Variants in NECTIN1 observed in about 807,000 individuals in gnomAD.
NECTIN1 encodes nectin-1.
NECTIN1 carries 23 observed loss-of-function variants against 48.0 expected under a neutral mutation model. The observed-to-expected ratio is 0.48, with a 90% CI of 0.34 to 0.68. The LOEUF (loss-of-function observed/expected upper bound fraction) is 0.68. Ranked by LOEUF, NECTIN1 falls within the 30% of genes least tolerant of loss-of-function variation. The pLI, the probability that NECTIN1 is intolerant of heterozygous loss-of-function variation, is 0.01. For synonymous variants in NECTIN1, 270 were observed against 288.9 expected, an observed-to-expected ratio of 0.93 and a Z score of 0.66; for missense variants, 591 against 709.9, an observed-to-expected ratio of 0.83 and a Z score of 1.90.
intron 5 of NECTIN1, among the ~76,000 whole-genome samples, chr11:119,647,945 T>A (rs1264019582): frequency 3.3e-5 from 5 of 150,898 alleles, no homozygotes; most frequent in Admixed American, 6.6e-5. Flanking sequence ...GTGCCTGTAA[T>A]CCCAGCTACT....
At chr11:119,728,078 C>A (rs961429246) in intron 1 of NECTIN1, among the ~76,000 whole-genome samples, 4 of 152,230 alleles carry the variant, frequency 2.6e-5, no homozygotes, top group Non-Finnish European at 5.9e-5. Context: ...TGACGCCCTC[C>A]CCCTGGGGCT....
chr11:119,697,450 G>A (rs1865360793), intron 1 of NECTIN1, among the ~76,000 whole-genome samples: 2 of 152,108 alleles, frequency 1.3e-5, no homozygotes, highest in African/African-American at 2.4e-5. Flanking sequence ...CCTCTCCTTC[G>A]TAGGCTCCCG....
chr11:119,696,325 G>A (rs1245996275), intron 1 of NECTIN1, among the ~76,000 whole-genome samples: 1 of 152,206 alleles, frequency 6.6e-6, no homozygotes, highest in Non-Finnish European at 1.5e-5. Flanking sequence ...AGAGTAAGGT[G>A]AGGATGGGCA....
chr11:119,692,140 C>T (rs998591234), intron 1 of NECTIN1, among the ~76,000 whole-genome samples: 4 of 152,254 alleles, frequency 2.6e-5, no homozygotes, highest in African/African-American at 4.8e-5. Flanking sequence ...CTGCCCAACA[C>T]GAATCTATCA....
At chr11:119,653,442 G>A (rs944115560) in intron 5 of NECTIN1, among the ~76,000 whole-genome samples, 2 of 152,176 alleles carry the variant, frequency 1.3e-5, no homozygotes, top group African/African-American at 2.4e-5. Context: ...AGGGTGGCCC[G>A]GCGCGGGGAT....
chr11:119,724,092 G>A (rs1433942442), intron 1 of NECTIN1, among the ~76,000 whole-genome samples: 2 of 152,198 alleles, frequency 1.3e-5, no homozygotes, highest in Non-Finnish European at 2.9e-5. Flanking sequence ...CAGCTCTGCA[G>A]GGCCCTCATG....
chr11:119,667,186 C>T (rs1013392697), intron 5 of NECTIN1, among the ~76,000 whole-genome samples: 2 of 152,174 alleles, frequency 1.3e-5, no homozygotes. Context: ...CTCAAAAGGG[C>T]CCCGCAACTG....
intron 5 of NECTIN1, among the ~76,000 whole-genome samples, chr11:119,649,386 A>AG (rs1048712003): frequency 4.0e-5 from 6 of 151,752 alleles, no homozygotes; most frequent in African/African-American, 9.7e-5. Context: ...TCTCAAAAAA[A>AG]AAAAAGAAAA....
At chr11:119,693,997 T>C (rs1191801163) in intron 1 of NECTIN1, among the ~76,000 whole-genome samples, 1 of 152,072 alleles carries the variant, frequency 6.6e-6, no homozygotes, top group African/African-American at 2.4e-5. Context: ...AACTAAAATA[T>C]TGTGGGTGAA....
intron 1 of NECTIN1, among the ~76,000 whole-genome samples, chr11:119,694,117 G>A (rs1591470973): frequency 6.6e-6 from 1 of 152,186 alleles, no homozygotes; most frequent in Admixed American, 6.5e-5. Context: ...CTCTGAGACA[G>A]GGACTGTCTG....
At position 119,663,949 on chromosome 11, in the gene NECTIN1, CATGT is replaced by C; in HGVS notation, c.*794_*797del. The C allele has an allele frequency of 2.0e-6, 2 of 986,496 alleles. No individual in the cohort carries two copies. Among genetic ancestry groups the C allele is most frequent in the Non-Finnish European group, 1.2e-6 (1 of 830,852 alleles). 61.1% of individuals were successfully genotyped at this position (986,496 alleles called of 1,614,324 possible). Reference sequence around the variant, plus strand: ...AGCAGGCAGAGAGGAGCAGTGTGTGCATGTGTGTGTGTGTGCACGTGTCAGCAGA... The same window carrying C: ...AGCAGGCAGAGAGGAGCAGTGTGTGCGTGTGTGTGTGCACGTGTCAGCAGA... On this transcript the variant is annotated 3_prime_UTR_variant, in exon 6 of 6. Transcript: ENST00000264025.
At chr11:119,695,795 C>T (rs898194377) in intron 1 of NECTIN1, among the ~76,000 whole-genome samples, 8 of 152,154 alleles carry the variant, frequency 5.3e-5, no homozygotes, top group Non-Finnish European at 8.8e-5. Flanking sequence ...GTGGGAGCAC[C>T]CCCCTTTGCT....
chr11:119,669,241 G>A (rs183624110), intron 5 of NECTIN1, among the ~76,000 whole-genome samples: 7 of 152,174 alleles, frequency 4.6e-5, no homozygotes, highest in Admixed American at 1.3e-4. Flanking sequence ...GTGAAACCTC[G>A]TCTCTACTAA....
intron 1 of NECTIN1, among the ~76,000 whole-genome samples, chr11:119,708,147 T>C (rs1865578084): frequency 1.3e-5 from 2 of 152,022 alleles, no homozygotes; most frequent in Non-Finnish European, 1.5e-5. Context: ...CCACAGAAGA[T>C]GTGAGATTTT....
intron 5 of NECTIN1, among the ~76,000 whole-genome samples, chr11:119,670,251 C>T (rs1052994106): frequency 5.9e-5 from 9 of 152,184 alleles, no homozygotes; most frequent in Non-Finnish European, 1.2e-4. Context: ...TGAGCCACCA[C>T]GCCCAGCCTA....
intron 1 of NECTIN1, among the ~76,000 whole-genome samples, chr11:119,686,935 G>GTGCC (rs1220662727): frequency 2.6e-4 from 39 of 152,312 alleles, no homozygotes; most frequent in Middle Eastern, 6.8e-3. Context: ...GGGGGCCCAA[G>GTGCC]TGGCAGGTGG....
At chr11:119,705,037 G>T (rs1865524507) in intron 1 of NECTIN1, among the ~76,000 whole-genome samples, 1 of 152,236 alleles carries the variant, frequency 6.6e-6, no homozygotes, top group African/African-American at 2.4e-5. Flanking sequence ...AGAGAACTGT[G>T]TAGATGCCAT....
intron 5 of NECTIN1, among the ~76,000 whole-genome samples, chr11:119,674,826 T>G (rs915440747): frequency 6.6e-6 from 1 of 152,182 alleles, no homozygotes; most frequent in African/African-American, 2.4e-5. Flanking sequence ...ATCCCCACCA[T>G]GCCAGCATCC....
At chr11:119,711,648 G>A (rs1293421850) in intron 1 of NECTIN1, among the ~76,000 whole-genome samples, 1 of 152,208 alleles carries the variant, frequency 6.6e-6, no homozygotes, top group Non-Finnish European at 1.5e-5. Context: ...CATTTCACAG[G>A]TGGGTGTGTT....
Sources: gnomAD v4.1 joint callset for allele counts (sites outside exome capture counted in the v4.1 genomes callset) on GRCh38, gnomAD v4.1.1 for gene constraint, MANE v1.5 for transcripts, NCBI Gene and HGNC (gene_info 2026-07-23, HGNC 2026-07-21) for gene names.